PTPRS: variants seen among roughly 807,000 people sequenced by gnomAD.
PTPRS encodes the protein receptor-type tyrosine-protein phosphatase S.
Under a neutral mutation model 215.3 loss-of-function variants are expected in PTPRS, and 63 were observed. The ratio of observed to expected loss-of-function variants is 0.29; its 90% CI spans 0.24 to 0.36. The LOEUF (loss-of-function observed/expected upper bound fraction) is 0.36. PTPRS is among the 10% of genes least tolerant of loss of function. The pLI is 1.00. For missense variants in PTPRS, 2,258 were observed against 2,825.8 expected (o/e 0.80, Z 4.56); for synonymous variants, 1,404 against 1,191.4 (o/e 1.18, Z -3.68).
chr19:5,221,897 T>C lies in PTPRS; in HGVS notation c.3201+226A>G, dbSNP rs183495318. Reference sequence around the variant, plus strand: ...CCACAATCCAAGGCTGAGCCCAACATTGATCCCCAATATTGACTGAACCTC... The same window carrying C: ...CCACAATCCAAGGCTGAGCCCAACACTGATCCCCAATATTGACTGAACCTC... On this transcript the variant is annotated intron_variant, in intron 19 of 37. Coordinates refer to ENST00000262963, the MANE Select transcript of PTPRS (RefSeq NM_002850.4). 2.3e-4 allele frequency among the ~76,000 whole-genome samples: 35 copies of C among 152,288 alleles called. 1 individual carries two copies. Among genetic ancestry groups the C allele is most frequent in the African/African-American group, 7.5e-4 (31 of 41,568 alleles).
chr19:5,275,383 CTTTTCTTTTTT>C (rs915285295), intron 2 of PTPRS, among the ~76,000 whole-genome samples: 4 of 98,298 alleles, frequency 4.1e-5, no homozygotes, highest in East Asian at 4.9e-4. Context: ...TTTTCTTTTT[CTTTTCTTTTTT>C]TTTTTCCTGA....
At position 5,223,065 on chromosome 19, in the gene PTPRS, G is replaced by A. The variant is rs377377582; in HGVS notation, c.2727C>T (p.Ser909=). The change falls in exon 18 of 38, where the codon AGC becomes AGT. Residue 909 remains serine, a synonymous_variant. Coordinates refer to ENST00000262963, the MANE Select transcript of PTPRS (RefSeq NM_002850.4). The part of the protein sequence containing the change: ...ATYVFRLAAR[S]RGGLGEEAAE... The stretch of plus-strand genomic sequence containing the variant: ...CTGCCTCCTCGCCCAGGCCGCCGCG[G>A]CTCCGGGCCGCAAGCCGGAACACAT... The A allele has an allele frequency of 1.5e-5, 23 of 1,553,346 alleles. No homozygotes were observed. Among genetic ancestry groups the A allele is most frequent in the Non-Finnish European group, 1.9e-5 (22 of 1,149,830 alleles).
chr19:5,223,243 G>A lies in PTPRS; in HGVS notation c.2549C>T (p.Ala850Val), dbSNP rs1407721470. Reference protein sequence around the residue: ...VQQTPEGSLLARWEPPAGTAE... With the variant: ...VQQTPEGSLLVRWEPPAGTAE... ...GGTGCCAGCCGGGGGCTCCCAGCGT[G>A]CCAGCAGGCTGCCCTCGGGGGTCTG... The change falls in exon 18 of 38, where the codon GCA becomes GTA. Residue 850 changes from alanine to valine, a missense_variant. Ala to Val is a moderately conservative substitution (Grantham distance 64). Transcript: ENST00000262963. 3 of 1,486,254 alleles carry A rather than the reference G, an allele frequency of 2.0e-6. No homozygotes were observed. The highest frequency in any genetic ancestry group is 2.7e-6 in the Non-Finnish European group (3 of 1,119,612). 92.1% of individuals were successfully genotyped at this position (1,486,254 alleles called of 1,614,324 possible). A position where few individuals can be genotyped will look rare whatever the true frequency, so the allele number is the denominator to read the frequency against.
At position 5,240,380 on chromosome 19, in the gene PTPRS, A is replaced by C. The variant is rs1421475089; in HGVS notation, c.1571-48T>G. The C allele has an allele frequency of 2.6e-6, 4 of 1,517,120 alleles. No homozygotes were observed. The South Asian group carries it at 5.2e-5, about 20-fold the overall frequency. The allele number at this position is 1,517,120 out of a possible 1,614,324, so 94.0% of individuals were successfully genotyped here. ...CTAGGAGTCGGGGAGCGTCCACCCC[A>C]CAAAGGGGGCCCCACCTGCTGAGTG... On this transcript the variant is annotated intron_variant, in intron 11 of 37. Coordinates refer to ENST00000262963, the MANE Select transcript of PTPRS (RefSeq NM_002850.4).
Position 5,240,208 on chromosome 19 carries a change from A to G in PTPRS, c.1695T>C (p.His565=). ...CCCCGCGCTGCCTCACCTCCCGGCC[A>G]TGGTCGCCTTCCCGGAAGAGGAGCT... ...KYELLFREGD[H]GREVGRTFDP... is the part of the protein sequence containing the mutation. The change falls in exon 12 of 38, where the codon CAT becomes CAC. Residue 565 remains histidine, a synonymous_variant. Transcript: ENST00000262963. The G allele has an allele frequency of 1.3e-6, 2 of 1,545,640 alleles. No individual in the cohort carries two copies. Among genetic ancestry groups the G allele is most frequent in the Non-Finnish European group, 1.7e-6 (2 of 1,145,052 alleles).
chr19:5,270,656 G>A (rs1349937488), intron 4 of PTPRS, among the ~76,000 whole-genome samples: 2 of 151,584 alleles, frequency 1.3e-5, no homozygotes, highest in Non-Finnish European at 2.9e-5. Flanking sequence ...TTTTTCTTTT[G>A]AGATGGAGTC....
intron 1 of PTPRS, chr19:5,286,439 T>C: frequency 2.4e-6 from 1 of 418,562 alleles, no homozygotes; most frequent in Non-Finnish European, 4.5e-6. Flanking sequence ...CCACAAAAAA[T>C]CATATGTTGA....
At chr19:5,311,509 G>C (rs1020909386) in intron 1 of PTPRS, among the ~76,000 whole-genome samples, 6 of 152,150 alleles carry the variant, frequency 3.9e-5, no homozygotes, top group Admixed American at 1.3e-4. Flanking sequence ...GTTGTTTTCT[G>C]AACACACAGA....
chr19:5,271,433 G>A (rs1187946042), intron 4 of PTPRS, among the ~76,000 whole-genome samples: 1 of 146,778 alleles, frequency 6.8e-6, no homozygotes, highest in African/African-American at 2.5e-5. Flanking sequence ...GTCTTGCCCT[G>A]GTCGCCCAGA....
chr19:5,247,852 C>T (rs1040085556), intron 9 of PTPRS, among the ~76,000 whole-genome samples: 1 of 151,746 alleles, frequency 6.6e-6, no homozygotes, highest in Admixed American at 6.6e-5. Flanking sequence ...CGTCGGCAGG[C>T]GTGGGAGTGG....
In PTPRS at chr19:5,206,636, G is replaced by A. The variant is rs536429660; in HGVS notation, c.*138C>T. 61 of 735,142 alleles carry A rather than the reference G, an allele frequency of 8.3e-5. 1 individual carries two copies. The highest frequency in any genetic ancestry group is 7.3e-4 in the South Asian group (42 of 57,640). The allele number at this position is 735,142 out of a possible 1,614,324, so 45.5% of individuals were successfully genotyped here. On this transcript the variant is annotated 3_prime_UTR_variant, in exon 38 of 38. Coordinates refer to ENST00000262963, the MANE Select transcript of PTPRS (RefSeq NM_002850.4). ...GGGCTCGAGGGGCTGCGTCGTCCTCGGAAATGGTGCAGAAACACAGCTGCT... is the reference window on the plus strand; with the variant it reads ...GGGCTCGAGGGGCTGCGTCGTCCTCAGAAATGGTGCAGAAACACAGCTGCT...
chr19:5,221,396 C>T (rs1230507683), intron 19 of PTPRS, 143 bp from the exon 20 acceptor site: 3 of 1,103,110 alleles, frequency 2.7e-6, no homozygotes, highest in East Asian at 5.1e-5. Context: ...CTGACTGATC[C>T]CTGATCCCAG....
chr19:5,206,378 G>A lies in PTPRS; in HGVS notation c.*396C>T, dbSNP rs774722973. ...GCCCAGTGTCCCCAGGCTGCAGAGC[G>A]GGGAGGAGCCCCCCGGGTCCCCCTA... On this transcript the variant is annotated 3_prime_UTR_variant, in exon 38 of 38. Transcript: ENST00000262963. The A allele has an allele frequency of 4.1e-3, 1,037 of 250,074 alleles. 1 individual carries two copies. Among genetic ancestry groups the A allele is most frequent in the Non-Finnish European group, 5.2e-3 (677 of 129,498 alleles). 15.5% of individuals were successfully genotyped at this position (250,074 alleles called of 1,614,324 possible).
chr19:5,301,935 C>T (rs901676368), intron 1 of PTPRS, among the ~76,000 whole-genome samples: 3 of 152,088 alleles, frequency 2.0e-5, no homozygotes, highest in Admixed American at 2.0e-4. Context: ...TACATGCCAC[C>T]ACACCCAGCT....
At chr19:5,268,395 T>C (rs376018560) in intron 4 of PTPRS, among the ~76,000 whole-genome samples, 8 of 152,018 alleles carry the variant, frequency 5.3e-5, no homozygotes, top group African/African-American at 1.9e-4. Flanking sequence ...GTTTAAAGAA[T>C]ACACATGTAT....
rs888347305 is a variant in PTPRS, at chr19:5,206,713, C to T, written c.*61G>A. 16 of 1,497,386 alleles carry T rather than the reference C, an allele frequency of 1.1e-5. No homozygotes were observed. Among genetic ancestry groups the T allele is most frequent in the African/African-American group, 2.8e-5 (2 of 72,350 alleles). The allele number at this position is 1,497,386 out of a possible 1,614,324, so 92.8% of individuals were successfully genotyped here. A position where few individuals can be genotyped will look rare whatever the true frequency, so the allele number is the denominator to read the frequency against. On this transcript the variant is annotated 3_prime_UTR_variant, in exon 38 of 38. Transcript: ENST00000262963. ...CTGGGGGTCCAGGCCTCAGGAGGTCCGCCCGGGAGGGGCAGAGGCATCCGG... is the reference window on the plus strand; with the variant it reads ...CTGGGGGTCCAGGCCTCAGGAGGTCTGCCCGGGAGGGGCAGAGGCATCCGG...
At chr19:5,218,705 C>T (rs2041708471) in intron 24 of PTPRS, 82 bp downstream of exon 24, 3 of 1,572,038 alleles carry the variant, frequency 1.9e-6, no homozygotes, top group Non-Finnish European at 2.6e-6. Flanking sequence ...CGGGCATCCC[C>T]TCTCCTGTGG....
Position 5,219,374 on chromosome 19 carries a change from T to C in PTPRS, c.3859A>G (p.Ile1287Val), listed in dbSNP as rs2041773196. Residue 1287 changes from isoleucine to valine, a missense_variant, in exon 23 of 38, where the codon ATC (isoleucine) becomes GTC (valine). Coordinates refer to ENST00000262963, the MANE Select transcript of PTPRS (RefSeq NM_002850.4). The stretch of plus-strand genomic sequence containing the variant: ...AAGACCACGGCCAGCACAGGCCCGA[T>C]CACCCAGATAAGCCCCTCCTCGCCA... ...VDGEEGLIWVIGPVLAVVFII... is the reference protein window; with the variant it reads ...VDGEEGLIWVVGPVLAVVFII... The C allele has an allele frequency of 6.2e-7, 1 of 1,613,940 alleles. No individual in the cohort carries two copies. Among genetic ancestry groups the C allele is most frequent in the Non-Finnish European group, 8.5e-7 (1 of 1,179,942 alleles).
chr19:5,234,912 C>CGGAA (rs2043308097), intron 13 of PTPRS, among the ~76,000 whole-genome samples: 1 of 151,492 alleles, frequency 6.6e-6, no homozygotes, highest in South Asian at 2.1e-4. Flanking sequence ...AAGGGCCTTA[C>CGGAA]GGAATGTTAA....
Sources: gnomAD v4.1 joint callset for allele counts (sites outside exome capture counted in the v4.1 genomes callset) on GRCh38, gnomAD v4.1.1 for gene constraint, MANE v1.5 for transcripts, NCBI Gene and HGNC (gene_info 2026-07-23, HGNC 2026-07-21) for gene names.